TBC1D30: variants seen among roughly 807,000 people sequenced by gnomAD.
TBC1D30 encodes the protein TBC1 domain family member 30, also known as TBC1 domain family, member 30.
In TBC1D30, 31 loss-of-function variants were observed where a neutral mutation model predicts 63.2. The ratio of observed to expected loss-of-function variants is 0.49; its 90% CI spans 0.37 to 0.66. The LOEUF is 0.66. TBC1D30 is among the 30% of genes least tolerant of loss of function. The pLI, the probability that TBC1D30 is intolerant of heterozygous loss-of-function variation, is 0.00. For missense variants in TBC1D30, 810 were observed against 953.6 expected (o/e 0.85, Z 1.98); for synonymous variants, 307 against 361.5 (o/e 0.85, Z 1.71).
At chr12:64,835,882 T>C (rs1192963057) in intron 5 of TBC1D30, among the ~76,000 whole-genome samples, 2 of 152,100 alleles carry the variant, frequency 1.3e-5, no homozygotes, top group Non-Finnish European at 2.9e-5. Flanking sequence ...AAAATCAAAA[T>C]GAAAATAGCA....
At chr12:64,789,275 C>T (rs1329309670) in intron 2 of TBC1D30, among the ~76,000 whole-genome samples, 1 of 149,754 alleles carries the variant, frequency 6.7e-6, no homozygotes, top group African/African-American at 2.5e-5. Flanking sequence ...ATCTCTGCTT[C>T]CCGGGTTCAA....
Position 64,801,430 on chromosome 12 carries a change from C to A in TBC1D30, c.643+15385C>A, listed in dbSNP as rs574449132. ...ATGAACAACAGTACATATTTATAAT[C>A]ATCACTTTGACAAACAGGAAAGGGA... On this transcript the variant is annotated intron_variant, in intron 2 of 12. Transcript: ENST00000542120. Among the ~76,000 whole-genome samples, 6 of 152,278 alleles carry A rather than the reference C, an allele frequency of 3.9e-5. No individual in the cohort carries two copies. The South Asian group carries it at 8.3e-4, about 21-fold the overall frequency.
chr12:64,791,438 T>C (rs1053477599), intron 2 of TBC1D30, among the ~76,000 whole-genome samples: 1 of 152,116 alleles, frequency 6.6e-6, no homozygotes, highest in Non-Finnish European at 1.5e-5. Context: ...AATACAGAAA[T>C]GTAAAAGGAA....
intron 2 of TBC1D30, among the ~76,000 whole-genome samples, chr12:64,817,875 T>C (rs1011505527): frequency 6.6e-6 from 1 of 151,984 alleles, no homozygotes; most frequent in African/African-American, 2.4e-5. Flanking sequence ...CCAGCCTGGC[T>C]AACATGGTGA....
upstream of TBC1D30, among the ~76,000 whole-genome samples, chr12:64,775,615 C>T (rs191681490): frequency 6.2e-4 from 94 of 152,254 alleles, no homozygotes; most frequent in South Asian, 2.5e-3. Context: ...CATAGGAATA[C>T]CCAGATTCAT....
intron 1 of TBC1D30, among the ~76,000 whole-genome samples, chr12:64,774,623 T>C (rs545255117): frequency 6.6e-6 from 1 of 152,094 alleles, no homozygotes; most frequent in South Asian, 2.1e-4. Flanking sequence ...CCAGAAGAGA[T>C]TGGGGGCCAA....
At chr12:64,855,605 TAA>T (rs1277783916) in intron 8 of TBC1D30, among the ~76,000 whole-genome samples, 1 of 152,226 alleles carries the variant, frequency 6.6e-6, no homozygotes, top group African/African-American at 2.4e-5. Flanking sequence ...ATTCTGCTAT[TAA>T]GAGACTCTGA....
intron 10 of TBC1D30, among the ~76,000 whole-genome samples, chr12:64,870,004 C>G (rs1011049019): frequency 1.3e-5 from 2 of 152,132 alleles, no homozygotes; most frequent in Non-Finnish European, 2.9e-5. Flanking sequence ...ATTTAAGAGA[C>G]AAATCTGCTA....
chr12:64,808,315 G>A (rs1443057202), intron 2 of TBC1D30, among the ~76,000 whole-genome samples: 2 of 152,176 alleles, frequency 1.3e-5, no homozygotes, highest in African/African-American at 4.8e-5. Context: ...CACATAGTCT[G>A]ATTTAGGTGC....
Position 64,866,024 on chromosome 12 carries a change from C to T in TBC1D30, c.1152-740C>T, listed in dbSNP as rs888334859. 2.0e-5 allele frequency among the ~76,000 whole-genome samples: 3 copies of T among 152,058 alleles called. No homozygotes were observed. In the South Asian group the frequency reaches 6.2e-4, roughly 32 times the overall value. On this transcript the variant is annotated intron_variant, in intron 9 of 11. Transcript: ENST00000539867. ...AGCTGGGACCACAGGCACGTACCAC[C>T]GTGCCTGGATAATTTTTAAATTTCT... is the stretch of plus-strand genomic sequence containing the variant.
At chr12:64,869,150 T>C (rs1592661489) in intron 10 of TBC1D30, among the ~76,000 whole-genome samples, 1 of 152,196 alleles carries the variant, frequency 6.6e-6, no homozygotes, top group Non-Finnish European at 1.5e-5. Flanking sequence ...TTCAAAGATA[T>C]TAGAAATATG....
chr12:64,792,341 C>T (rs968430953), intron 2 of TBC1D30, among the ~76,000 whole-genome samples: 65 of 152,306 alleles, frequency 4.3e-4, no homozygotes, highest in African/African-American at 1.5e-3. Context: ...TCTCCACTTC[C>T]TGTATAGGTT....
At chr12:64,874,928 A>C in intron 11 of TBC1D30, 73 bp from the exon 12 acceptor site, 1 of 1,402,722 alleles carries the variant, frequency 7.1e-7, no homozygotes, top group Non-Finnish European at 9.5e-7. Context: ...GAGGACCTCT[A>C]AGTGATTTCT....
intron 8 of TBC1D30, among the ~76,000 whole-genome samples, chr12:64,857,653 A>C (rs563461855): frequency 4.6e-5 from 7 of 152,246 alleles, no homozygotes; most frequent in African/African-American, 1.7e-4. Context: ...CCAGCCTAGC[A>C]CTAGGAGTTG....
chr12:64,814,470 A>G (rs1873406300), intron 2 of TBC1D30, among the ~76,000 whole-genome samples: 1 of 152,216 alleles, frequency 6.6e-6, no homozygotes, highest in Non-Finnish European at 1.5e-5. Flanking sequence ...ATGTGCTAAA[A>G]AACTACTTTG....
intron 2 of TBC1D30, among the ~76,000 whole-genome samples, chr12:64,789,875 C>A (rs1386677872): frequency 6.6e-6 from 1 of 152,194 alleles, no homozygotes; most frequent in African/African-American, 2.4e-5. Flanking sequence ...TGTTACCATT[C>A]ACTGAGTACA....
At chr12:64,857,430 C>T (rs1172263348) in intron 8 of TBC1D30, among the ~76,000 whole-genome samples, 2 of 151,896 alleles carry the variant, frequency 1.3e-5, no homozygotes, top group Non-Finnish European at 2.9e-5. Context: ...TGCCTGGTGC[C>T]CTATCCTGTT....
intron 8 of TBC1D30, among the ~76,000 whole-genome samples, chr12:64,859,128 TTG>T (rs1473035395): frequency 6.6e-6 from 1 of 150,992 alleles, no homozygotes; most frequent in Non-Finnish European, 1.5e-5. Flanking sequence ...TGCGAGGGTG[TTG>T]TGTGTGCGTT....
intron 4 of TBC1D30, 101 bp from the exon 5 acceptor site, chr12:64,832,018 G>A (rs1393993210): frequency 8.6e-7 from 1 of 1,169,132 alleles, no homozygotes; most frequent in Non-Finnish European, 1.1e-6. Flanking sequence ...AAAATTTTAT[G>A]TCGATGATTT....
Sources: allele counts gnomAD v4.1 joint callset (sites outside exome capture counted in the v4.1 genomes callset), GRCh38; gene constraint gnomAD v4.1.1; transcripts MANE v1.5; gene names NCBI Gene and HGNC (gene_info 2026-07-23, HGNC 2026-07-21).